HSPA4L: variants seen among roughly 807,000 people sequenced by gnomAD.
HSPA4L encodes the protein heat shock 70 kDa protein 4L.
HSPA4L carries 48 observed loss-of-function variants against 100.3 expected under a neutral mutation model. The observed-to-expected ratio is 0.48, with a 90% CI of 0.38 to 0.61. The LOEUF is 0.61. HSPA4L is among the 20% of genes least tolerant of loss of function. The pLI is 0.00. For synonymous variants in HSPA4L, 319 were observed against 328.2 expected (o/e 0.97, Z 0.30); for missense variants, 886 against 988.6 (o/e 0.90, Z 1.39).
At chr4:127,785,257 G>A (rs1039505097) in intron 1 of HSPA4L, among the ~76,000 whole-genome samples, 1 of 152,068 alleles carries the variant, frequency 6.6e-6, no homozygotes, top group Non-Finnish European at 1.5e-5. Flanking sequence ...AAATTGAAGA[G>A]ACAAAATAAT....
chr4:127,792,966 C>T (rs964337238), intron 1 of HSPA4L, among the ~76,000 whole-genome samples: 15 of 152,156 alleles, frequency 9.9e-5, no homozygotes, highest in Non-Finnish European at 1.9e-4. Context: ...CTAGAAATAG[C>T]AAGGAGACCA....
intron 4 of HSPA4L, among the ~76,000 whole-genome samples, chr4:127,800,872 A>G (rs1733155538): frequency 6.6e-6 from 1 of 152,190 alleles, no homozygotes; most frequent in Admixed American, 6.5e-5. Flanking sequence ...TTAATAGATC[A>G]GAATAACACA....
rs768378662 is a variant in HSPA4L, at chr4:127,818,343, CAAG to C, written c.1604_1606del (p.Glu535del). On this transcript the variant is annotated inframe_deletion, in exon 13 of 19. Transcript: ENST00000296464. Reference sequence around the variant, plus strand: ...TTTCTAGGATAAAATGCAGGTTGATCAAGAAGAAGGGCATCAAAAATGTCATGC... The same window carrying C: ...TTTCTAGGATAAAATGCAGGTTGATCAAGAAGGGCATCAAAAATGTCATGC... 5 of 1,609,790 alleles carry C rather than the reference CAAG, an allele frequency of 3.1e-6. No homozygotes were observed. Among genetic ancestry groups the C allele is most frequent in the African/African-American group, 1.3e-5 (1 of 74,916 alleles).
rs770544743 is a variant in HSPA4L at position 127,808,075 on chromosome 4, C to T, written c.1324C>T (p.Leu442=). The T allele has an allele frequency of 1.9e-6, 3 of 1,612,366 alleles. No homozygotes were observed. The highest frequency in any genetic ancestry group is 1.7e-5 in the Admixed American group (1 of 59,892). The part of the protein sequence containing the change: ...ITFHKKEPFE[L]EAFYTNLHEV... ...TTTCCACAAGAAGGAACCATTTGAACTAGAAGCATTTTATACTAATTTACA... is the reference window on the plus strand; with the variant it reads ...TTTCCACAAGAAGGAACCATTTGAATTAGAAGCATTTTATACTAATTTACA... Residue 442 remains leucine (L), a synonymous_variant, in exon 11 of 19, where the codon CTA becomes TTA. Transcript: ENST00000296464.
upstream of HSPA4L, chr4:127,782,129 A>T: frequency 2.2e-6 from 1 of 450,790 alleles, no homozygotes; most frequent in Non-Finnish European, 4.4e-6. Flanking sequence ...CGGATAGCTC[A>T]GCAGCCTCCA....
At chr4:127,823,372 G>A (rs1578719997) in intron 15 of HSPA4L, 145 bp from the exon 16 acceptor site, 1 of 589,812 alleles carries the variant, frequency 1.7e-6, no homozygotes, top group Non-Finnish European at 3.0e-6. Context: ...TGGTCTCTTA[G>A]TTCTGGGCTC....
rs1171136565 is a variant in HSPA4L at position 127,833,838 on chromosome 4, A to T, written c.*964A>T. On this transcript the variant is annotated 3_prime_UTR_variant, in exon 19 of 19. Transcript: ENST00000296464. ...TGATTTACCTAATGTTACCTTGTAGATTAAACACTATTAAGTGGTAATACT... is the reference window on the plus strand; with the variant it reads ...TGATTTACCTAATGTTACCTTGTAGTTTAAACACTATTAAGTGGTAATACT... 6.6e-6 allele frequency: 1 copy of T among 152,184 alleles called. No homozygotes were observed. Among genetic ancestry groups the T allele is most frequent in the Non-Finnish European group, 1.5e-5 (1 of 68,002 alleles). 9.4% of individuals were successfully genotyped at this position (152,184 alleles called of 1,614,324 possible). A position where few individuals can be genotyped will look rare whatever the true frequency, so the allele number is the denominator to read the frequency against.
chr4:127,823,011 C>A, intron 15 of HSPA4L, 117 bp downstream of exon 15: 3 of 937,082 alleles, frequency 3.2e-6, no homozygotes, highest in South Asian at 2.2e-5. Context: ...AATCTTGGGC[C>A]CATATGGGGA....
intron 14 of HSPA4L, among the ~76,000 whole-genome samples, chr4:127,821,862 C>T (rs1332074363): frequency 6.6e-6 from 1 of 152,056 alleles, no homozygotes; most frequent in Non-Finnish European, 1.5e-5. Context: ...AGATGATTTT[C>T]CTGCTATCTC....
chr4:127,808,620 G>C (rs1733431016), intron 11 of HSPA4L, among the ~76,000 whole-genome samples: 1 of 152,146 alleles, frequency 6.6e-6, no homozygotes, highest in Non-Finnish European at 1.5e-5. Context: ...AGCCTGGGCA[G>C]TATAGTGAGA....
chr4:127,805,138 A>G lies in HSPA4L; in HGVS notation c.1051A>G (p.Lys351Glu). 6.2e-7 allele frequency: 1 copy of G among 1,612,162 alleles called. No homozygotes were observed. Among genetic ancestry groups the G allele is most frequent in the Non-Finnish European group, 8.5e-7 (1 of 1,178,598 alleles). The change falls in exon 9 of 19, where the codon AAA (lysine) becomes GAA (glutamate). Residue 351 changes from lysine (K) to glutamate (E), a missense_variant. Physicochemically the swap from Lys to Glu is moderately conservative, Grantham distance 56. Coordinates refer to ENST00000296464, the MANE Select transcript of HSPA4L (RefSeq NM_014278.4). ...VGGATRIPAVKEQITKFFLKD... is the reference protein window; with the variant it reads ...VGGATRIPAVEEQITKFFLKD... ...AGGAGCAACACGAATTCCTGCAGTG[A>G]AAGAACAAATCACTAAATTCTTTCT... is the stretch of plus-strand genomic sequence containing the variant.
chr4:127,811,668 AATAG>A (rs761695603), intron 12 of HSPA4L, 32 bp downstream of exon 12: 40 of 1,460,944 alleles, frequency 2.7e-5, no homozygotes, highest in African/African-American at 2.1e-4. Flanking sequence ...ATGTTCTTGT[AATAG>A]ATAGTGTATA....
intron 9 of HSPA4L, among the ~76,000 whole-genome samples, 181 bp downstream of exon 9, chr4:127,805,405 A>C (rs1156695862): frequency 1.3e-5 from 2 of 152,194 alleles, no homozygotes; most frequent in Admixed American, 6.5e-5. Context: ...ATAATAGGAC[A>C]GTGTGTCTGT....
chr4:127,823,678 T>C, intron 16 of HSPA4L, 54 bp downstream of exon 16: 2 of 1,101,004 alleles, frequency 1.8e-6, no homozygotes, highest in Non-Finnish European at 2.7e-6. Context: ...TTCTAAAAAT[T>C]AGGGTGTAAG....
chr4:127,817,998 GC>G (rs1733715724), intron 12 of HSPA4L, among the ~76,000 whole-genome samples: 1 of 146,894 alleles, frequency 6.8e-6, no homozygotes, highest in Admixed American at 6.9e-5. Flanking sequence ...CCCTCCCCTA[GC>G]CCCCCACCCT....
chr4:127,821,305 T>C (rs927339814), intron 14 of HSPA4L, among the ~76,000 whole-genome samples: 3 of 152,136 alleles, frequency 2.0e-5, no homozygotes, highest in Non-Finnish European at 4.4e-5. Flanking sequence ...CCCAAAGGAA[T>C]GAATTGTAGG....
chr4:127,784,307 G>A (rs1175072626), intron 1 of HSPA4L, among the ~76,000 whole-genome samples: 2 of 152,206 alleles, frequency 1.3e-5, no homozygotes, highest in Non-Finnish European at 2.9e-5. Context: ...AAGAAAGATC[G>A]ATCTGCATTT....
At chr4:127,808,238 T>A in intron 11 of HSPA4L, 109 bp downstream of exon 11, 1 of 839,270 alleles carries the variant, frequency 1.2e-6, no homozygotes, top group Non-Finnish European at 1.8e-6. Context: ...ATGGGACTTT[T>A]AAAGAAAGAT....
rs187653023 is a variant in HSPA4L at position 127,809,582 on chromosome 4, A to G, written c.1378+1453A>G. 3,017 of 663,350 alleles carry G rather than the reference A, an allele frequency of 4.5e-3. 15 individuals are homozygous for G. The highest frequency in any genetic ancestry group is 6.2e-3 in the Non-Finnish European group (2,232 of 362,350). The allele number at this position is 663,350 out of a possible 1,614,324, so 41.1% of individuals were successfully genotyped here. A position where few individuals can be genotyped will look rare whatever the true frequency, so the allele number is the denominator to read the frequency against. On this transcript the variant is annotated intron_variant, in intron 11 of 18. Transcript: ENST00000296464. The stretch of plus-strand genomic sequence containing the variant: ...ACTTTCAAAATTTTGGTGAACTTTG[A>G]TATTTTTTGTTTGTTAAAGGAATGT...
Sources: allele counts gnomAD v4.1 joint callset (sites outside exome capture counted in the v4.1 genomes callset), GRCh38; gene constraint gnomAD v4.1.1; transcripts MANE v1.5; gene names NCBI Gene and HGNC (gene_info 2026-07-23, HGNC 2026-07-21).